The following CSGALNACT2 variants were observed in gnomAD, a reference collection of about 807,000 sequenced individuals.
CSGALNACT2 encodes the protein beta 4 GalNAcT-2.
Under a neutral mutation model 55.3 loss-of-function variants are expected in CSGALNACT2, and 35 were observed. The ratio of observed to expected loss-of-function variants is 0.63; its 90% CI spans 0.48 to 0.84. The LOEUF (loss-of-function observed/expected upper bound fraction) is 0.84. Ranked by LOEUF, CSGALNACT2 falls within the 40% of genes least tolerant of loss-of-function variation. CSGALNACT2 has a pLI of 0.00. For missense variants in CSGALNACT2, 544 were observed against 657.5 expected (o/e 0.83, Z 1.89); for synonymous variants, 196 against 224.9 (o/e 0.87, Z 1.15).
chr10:43,174,612 C>A (rs957199919), intron 6 of CSGALNACT2, among the ~76,000 whole-genome samples: 5 of 152,196 alleles, frequency 3.3e-5, no homozygotes, highest in African/African-American at 9.7e-5. Context: ...TTGCTGACTT[C>A]TGTGAAGTCT....
chr10:43,149,631 T>A (rs1255446583), intron 1 of CSGALNACT2, among the ~76,000 whole-genome samples: 1 of 152,162 alleles, frequency 6.6e-6, no homozygotes, highest in Non-Finnish European at 1.5e-5. Flanking sequence ...GTATTTATAT[T>A]CATATAGGAT....
intron 1 of CSGALNACT2, among the ~76,000 whole-genome samples, chr10:43,141,893 TTGTC>T (rs1258815199): frequency 6.6e-6 from 1 of 152,148 alleles, no homozygotes; most frequent in African/African-American, 2.4e-5. Context: ...GTCTGTTTCT[TTGTC>T]TGTACAGTGG....
chr10:43,178,388 C>G (rs1039751172), intron 7 of CSGALNACT2, among the ~76,000 whole-genome samples: 2 of 152,066 alleles, frequency 1.3e-5, no homozygotes, highest in Non-Finnish European at 2.9e-5. Flanking sequence ...TTTGGGAGGC[C>G]GAGGCGGGCA....
intron 4 of CSGALNACT2, 153 bp from the exon 5 acceptor site, chr10:43,163,713 A>ACATGAAGCTG: frequency 2.0e-6 from 2 of 985,260 alleles, no homozygotes; most frequent in Non-Finnish European, 2.4e-6. Flanking sequence ...ATAATCATAC[A>ACATGAAGCTG]CATGAAGCTG....
intron 6 of CSGALNACT2, 74 bp downstream of exon 6, chr10:43,167,172 C>A (rs1300087181): frequency 1.1e-5 from 10 of 935,536 alleles, no homozygotes; most frequent in African/African-American, 1.7e-5. Context: ...AAGTAGAAAA[C>A]AAAGTTTCAA....
chr10:43,147,241 C>T (rs1838776902), intron 1 of CSGALNACT2, among the ~76,000 whole-genome samples: 1 of 152,080 alleles, frequency 6.6e-6, no homozygotes, highest in Non-Finnish European at 1.5e-5. Context: ...TCCCAAAGTG[C>T]TGGGATTACA....
At chr10:43,166,095 T>C (rs1839259737) in intron 5 of CSGALNACT2, among the ~76,000 whole-genome samples, 1 of 152,216 alleles carries the variant, frequency 6.6e-6, no homozygotes, top group South Asian at 2.1e-4. Flanking sequence ...CAGGAACTCT[T>C]TGAGAACCTA....
At chr10:43,167,341 A>G (rs915078165) in intron 6 of CSGALNACT2, among the ~76,000 whole-genome samples, 1 of 149,948 alleles carries the variant, frequency 6.7e-6, no homozygotes, top group African/African-American at 2.5e-5. Context: ...ATAAAGGAAA[A>G]CCTCATGTCC....
In CSGALNACT2 at chr10:43,155,349, AT is replaced by A; in HGVS notation, c.202del (p.Tyr68IlefsTer8). 6.2e-7 allele frequency: 1 copy of A among 1,614,234 alleles called. No individual in the cohort carries two copies. On this transcript the variant is annotated frameshift_variant, in exon 2 of 8. Coordinates refer to ENST00000374466, the MANE Select transcript of CSGALNACT2 (RefSeq NM_018590.5). LOFTEE classifies it high-confidence loss of function. ...GCCCTCCTACAGGAACAAGAAGAAC[AT>A]TATCAGACCAGGGCAACCAGTCTGA... Reference protein sequence around the residue: ...YQALLQEQEEHYQTRATSLKR... With the variant: ...YQALLQEQEEXYQTRATSLKR...
intron 7 of CSGALNACT2, among the ~76,000 whole-genome samples, chr10:43,179,872 C>G (rs915475534): frequency 1.3e-5 from 2 of 152,194 alleles, no homozygotes; most frequent in African/African-American, 4.8e-5. Context: ...TTTCAAGAGG[C>G]TGGAACTTCT....
chr10:43,176,844 G>C (rs573826291), intron 7 of CSGALNACT2, among the ~76,000 whole-genome samples: 3 of 152,300 alleles, frequency 2.0e-5, no homozygotes, highest in African/African-American at 4.8e-5. Flanking sequence ...TGGGATTGCA[G>C]GCGTGAGCCA....
rs367545133 is a variant in CSGALNACT2, at chr10:43,178,429, T to C, written c.1336+2397T>C. On this transcript the variant is annotated intron_variant, in intron 7 of 7. Coordinates refer to ENST00000374466, the MANE Select transcript of CSGALNACT2 (RefSeq NM_018590.5). ...CGAGGTCAGGAGATCAAGATCATCC[T>C]GGCTAACAAGGTAAAACCCTGTCTC... 1.8e-4 allele frequency among the ~76,000 whole-genome samples: 28 copies of C among 152,284 alleles called. 1 individual carries two copies. In the East Asian group the frequency reaches 2.9e-3, roughly 16 times the overall value.
chr10:43,138,819 A>G (rs1352971586), intron 1 of CSGALNACT2, among the ~76,000 whole-genome samples: 2 of 152,138 alleles, frequency 1.3e-5, no homozygotes, highest in South Asian at 2.1e-4. Context: ...GTTTTTACCT[A>G]TTCATCACCA....
At chr10:43,181,169 T>TA (rs748883533) in intron 7 of CSGALNACT2, among the ~76,000 whole-genome samples, 1 of 152,222 alleles carries the variant, frequency 6.6e-6, no homozygotes. Flanking sequence ...CACTCAGACT[T>TA]ACCTCCCCTG....
chr10:43,156,899 G>T (rs540730085), intron 2 of CSGALNACT2, among the ~76,000 whole-genome samples: 2 of 152,208 alleles, frequency 1.3e-5, no homozygotes, highest in Non-Finnish European at 2.9e-5. Flanking sequence ...TGGCCTGGGG[G>T]TTAGGGACCC....
chr10:43,160,732 A>C (rs776764703), intron 4 of CSGALNACT2, 137 bp downstream of exon 4: 17 of 627,626 alleles, frequency 2.7e-5, no homozygotes, highest in Non-Finnish European at 4.8e-5. Context: ...GGTGGTGATG[A>C]TAAGTTCCTC....
intron 4 of CSGALNACT2, 72 bp downstream of exon 4, chr10:43,160,667 G>T (rs923621632): frequency 3.9e-5 from 29 of 751,702 alleles, no homozygotes; most frequent in Non-Finnish European, 6.3e-5. Flanking sequence ...GATATGTAAT[G>T]AGTTAATAAT....
chr10:43,178,766 A>G (rs949456283), intron 7 of CSGALNACT2, among the ~76,000 whole-genome samples: 3 of 151,896 alleles, frequency 2.0e-5, no homozygotes, highest in African/African-American at 7.3e-5. Flanking sequence ...TGGGATGTGG[A>G]ACTCATGCAT....
chr10:43,173,804 C>G (rs1480674932), intron 6 of CSGALNACT2, among the ~76,000 whole-genome samples: 1 of 152,022 alleles, frequency 6.6e-6, no homozygotes, highest in Non-Finnish European at 1.5e-5. Flanking sequence ...ACCAGCCTGG[C>G]CAACATGGTG....
Sources: gnomAD v4.1 joint callset for allele counts (sites outside exome capture counted in the v4.1 genomes callset) on GRCh38, gnomAD v4.1.1 for gene constraint, MANE v1.5 for transcripts, NCBI Gene and HGNC (gene_info 2026-07-23, HGNC 2026-07-21) for gene names.